Variants in CACNA1E observed in about 807,000 individuals in gnomAD.
The protein encoded by CACNA1E is voltage-dependent R-type calcium channel subunit alpha-1E.
In CACNA1E, 40 loss-of-function variants were observed where a neutral mutation model predicts 259.2. The ratio of observed to expected loss-of-function variants is 0.15; its 90% CI spans 0.12 to 0.20. CACNA1E has a LOEUF of 0.20. Ranked by LOEUF, CACNA1E falls within the 10% of genes least tolerant of loss-of-function variation. The pLI, the probability that CACNA1E is intolerant of heterozygous loss-of-function variation, is 1.00. For missense variants in CACNA1E, 1,874 were observed against 3,040.1 expected, an observed-to-expected ratio of 0.62 and a Z score of 9.02; for synonymous variants, 1,104 against 1,138.5, an observed-to-expected ratio of 0.97 and a Z score of 0.61.
chr1:181,666,968 CACAG>C (rs1308845411), intron 7 of CACNA1E, among the ~76,000 whole-genome samples: 1 of 151,940 alleles, frequency 6.6e-6, no homozygotes, highest in African/African-American at 2.4e-5. Flanking sequence ...TCAAAGAAAA[CACAG>C]ACAATTTAAA....
At chr1:181,544,025 A>G (rs1005337998) in intron 3 of CACNA1E, among the ~76,000 whole-genome samples, 2 of 152,228 alleles carry the variant, frequency 1.3e-5, no homozygotes, top group Admixed American at 6.5e-5. Context: ...ATTAATGTCC[A>G]TAGCAGCATC....
At chr1:181,428,048 A>G (rs765481042) in intron 2 of CACNA1E, among the ~76,000 whole-genome samples, 1 of 152,238 alleles carries the variant, frequency 6.6e-6, no homozygotes, top group Non-Finnish European at 1.5e-5. Flanking sequence ...GCTGTGCTGT[A>G]GTAAGCCTCC....
At chr1:181,512,132 A>G (rs1419739897) in intron 3 of CACNA1E, among the ~76,000 whole-genome samples, 1 of 152,264 alleles carries the variant, frequency 6.6e-6, no homozygotes, top group Non-Finnish European at 1.5e-5. Context: ...ATATGATGGC[A>G]GTACATTTAG....
chr1:181,623,375 A>G (rs978136409), intron 6 of CACNA1E, among the ~76,000 whole-genome samples: 12 of 152,260 alleles, frequency 7.9e-5, no homozygotes, highest in African/African-American at 2.4e-4. Flanking sequence ...GGAATTTAAC[A>G]GAGAGTAGGC....
chr1:181,479,233 G>A (rs1467270119), upstream of CACNA1E, among the ~76,000 whole-genome samples: 1 of 152,216 alleles, frequency 6.6e-6, no homozygotes, highest in African/African-American at 2.4e-5. Context: ...CCATAGGGGA[G>A]TAGAGGGCTG....
chr1:181,782,189 A>G (rs1056875729), intron 39 of CACNA1E, among the ~76,000 whole-genome samples: 3 of 152,256 alleles, frequency 2.0e-5, no homozygotes, highest in Admixed American at 6.5e-5. Context: ...CTCAAAAGGA[A>G]GGGAAATAAT....
chr1:181,449,258 A>G (rs549432792), intron 2 of CACNA1E, among the ~76,000 whole-genome samples: 6 of 152,328 alleles, frequency 3.9e-5, no homozygotes, highest in Admixed American at 3.9e-4. Flanking sequence ...GAAAAATCTC[A>G]AGATACATGC....
intron 2 of CACNA1E, among the ~76,000 whole-genome samples, chr1:181,426,348 C>G (rs560088545): frequency 1.3e-5 from 2 of 152,108 alleles, no homozygotes; most frequent in Admixed American, 6.5e-5. Flanking sequence ...TGAACCCTTC[C>G]CTAACTCAAC....
At chr1:181,419,306 T>C (rs1281956866) in intron 2 of CACNA1E, among the ~76,000 whole-genome samples, 1 of 152,212 alleles carries the variant, frequency 6.6e-6, no homozygotes, top group Non-Finnish European at 1.5e-5. Context: ...CTGGCTACAC[T>C]GGTCCCTTGT....
chr1:181,615,181 A>G (rs943250356), intron 6 of CACNA1E, among the ~76,000 whole-genome samples: 1 of 151,876 alleles, frequency 6.6e-6, no homozygotes, highest in African/African-American at 2.4e-5. Context: ...TAGAGGTCTG[A>G]TATATCTTTT....
chr1:181,752,009 G>C, intron 26 of CACNA1E, 134 bp from the exon 27 acceptor site: 1 of 733,558 alleles, frequency 1.4e-6, no homozygotes, highest in Non-Finnish European at 2.4e-6. Flanking sequence ...ATCTGACTCA[G>C]TTTCTGGCTT....
intron 21 of CACNA1E, among the ~76,000 whole-genome samples, chr1:181,735,587 C>T (rs924853436): frequency 2.0e-5 from 3 of 152,264 alleles, no homozygotes; most frequent in African/African-American, 4.8e-5. Context: ...CTCCCCTCGA[C>T]CTCTGGCTCC....
chr1:181,374,721 C>G (rs1654972710), intron 1 of CACNA1E, among the ~76,000 whole-genome samples: 1 of 152,134 alleles, frequency 6.6e-6, no homozygotes, highest in South Asian at 2.1e-4. Flanking sequence ...CCTACCTCAG[C>G]CTCCCAAAAT....
intron 6 of CACNA1E, among the ~76,000 whole-genome samples, chr1:181,638,307 A>G (rs1043583268): frequency 2.6e-5 from 4 of 152,244 alleles, no homozygotes; most frequent in Non-Finnish European, 5.9e-5. Context: ...GAAGCAACAC[A>G]ACATTGGAAT....
intron 3 of CACNA1E, among the ~76,000 whole-genome samples, chr1:181,525,723 C>T (rs1667303235): frequency 1.3e-5 from 2 of 152,206 alleles, no homozygotes; most frequent in Non-Finnish European, 2.9e-5. Flanking sequence ...GAACTGTGTG[C>T]AACTACAACA....
At chr1:181,643,479 C>T (rs184162894) in intron 6 of CACNA1E, among the ~76,000 whole-genome samples, 49 of 152,336 alleles carry the variant, frequency 3.2e-4, no homozygotes, top group Admixed American at 1.4e-3. Context: ...CTTGAATTGT[C>T]CTCCCAAGAG....
chr1:181,672,968 C>A (rs549478860), intron 7 of CACNA1E, among the ~76,000 whole-genome samples: 1 of 152,134 alleles, frequency 6.6e-6, no homozygotes, highest in South Asian at 2.1e-4. Flanking sequence ...GGCCTGGGTT[C>A]CCTGAAAGAC....
intron 1 of CACNA1E, among the ~76,000 whole-genome samples, chr1:181,338,376 C>T (rs2102623290): frequency 6.6e-6 from 1 of 152,268 alleles, no homozygotes; most frequent in East Asian, 1.9e-4. Flanking sequence ...TGAGCCACAG[C>T]ACCTGGTCCC....
At chr1:181,686,275 G>GT (rs66526388) in intron 7 of CACNA1E, among the ~76,000 whole-genome samples, 1,925 of 58,660 alleles carry the variant, frequency 0.033, 298 homozygotes, top group African/African-American at 0.043. Context: ...TAAGAACCAA[G>GT]TTTTTTTTTT....
Sources: allele counts gnomAD v4.1 joint callset (sites outside exome capture counted in the v4.1 genomes callset), GRCh38; gene constraint gnomAD v4.1.1; transcripts MANE v1.5; gene names NCBI Gene and HGNC (gene_info 2026-07-23, HGNC 2026-07-21).